The following DMD variants were observed in gnomAD, a reference collection of about 807,000 sequenced individuals.
DMD encodes mutant dystrophin.
In DMD, 63 loss-of-function variants were observed where a neutral mutation model predicts 330.1. The ratio of observed to expected loss-of-function variants is 0.19; its 90% CI spans 0.16 to 0.24. The LOEUF (loss-of-function observed/expected upper bound fraction) is 0.24. DMD is among the 10% of genes least tolerant of loss of function. The probability of loss-of-function intolerance (pLI) is 1.00; values close to 1 mark genes in which losing one functional copy is unlikely to be tolerated. For synonymous variants in DMD, 1,223 were observed against 959.8 expected (o/e 1.27, Z -5.07); for missense variants, 3,344 against 2,684.1 (o/e 1.25, Z -5.43).
intron 52 of DMD, among the ~76,000 whole-genome samples, chrX:31,712,756 G>T (rs1296376052): frequency 9.0e-6 from 1 of 110,949 alleles, no homozygotes; most frequent in African/African-American, 3.3e-5. Flanking sequence ...TCTGCCTTTG[G>T]TTCTCCCTTT....
chrX:32,115,069 T>G (rs1346556973), intron 44 of DMD, among the ~76,000 whole-genome samples: 2 of 112,137 alleles, frequency 1.8e-5, no homozygotes, highest in Admixed American at 1.9e-4. Flanking sequence ...CCTGGTTTTC[T>G]CTATAAATCA....
At chrX:32,593,090 C>T (rs1055684631) in intron 13 of DMD, among the ~76,000 whole-genome samples, 2 of 112,832 alleles carry the variant, frequency 1.8e-5, no homozygotes, top group Admixed American at 9.3e-5. Context: ...TAGTGCAAGC[C>T]AAGCACAGCC....
chrX:32,515,469 G>C (rs1261821600), intron 18 of DMD, among the ~76,000 whole-genome samples: 3 of 111,196 alleles, frequency 2.7e-5, no homozygotes, highest in African/African-American at 6.5e-5. Context: ...ACTTGATAGG[G>C]AGGGTTTCAA....
intron 60 of DMD, among the ~76,000 whole-genome samples, chrX:31,369,197 A>C (rs2059416800): frequency 8.9e-6 from 1 of 112,718 alleles, no homozygotes; most frequent in Admixed American, 9.4e-5. Flanking sequence ...GATTTAATCC[A>C]GAATCTGATA....
intron 30 of DMD, among the ~76,000 whole-genome samples, chrX:32,405,024 T>C (rs932321268): frequency 8.9e-6 from 1 of 111,834 alleles, no homozygotes; most frequent in East Asian, 2.8e-4. Flanking sequence ...CTCCCTCCCA[T>C]TGAAACGTTG....
rs1008786181 is a variant in DMD at position 32,646,505 on chromosome X, G to A, written c.961-1353C>T. Reference sequence around the variant, plus strand: ...CAAGCACGGGGCCCCCTAACAAACAGGGTTTTGTAAAGGAATCAAAAAGCA... The same window carrying A: ...CAAGCACGGGGCCCCCTAACAAACAAGGTTTTGTAAAGGAATCAAAAAGCA... On this transcript the variant is annotated intron_variant, in intron 9 of 78. Coordinates refer to ENST00000357033, the MANE Select transcript of DMD (RefSeq NM_004006.3). 6.3e-5 allele frequency among the ~76,000 whole-genome samples: 7 copies of A among 111,090 alleles called. 1 individual carries two copies. Among genetic ancestry groups the A allele is most frequent in the African/African-American group, 1.6e-4 (5 of 30,511 alleles).
chrX:32,760,147 G>A (rs774334350), intron 7 of DMD, among the ~76,000 whole-genome samples: 9 of 111,770 alleles, frequency 8.1e-5, no homozygotes, highest in East Asian at 5.6e-4. Flanking sequence ...CCACTGCTAT[G>A]TATGTGGAGA....
At chrX:32,044,629 AG>A (rs765920534) in intron 44 of DMD, among the ~76,000 whole-genome samples, 41 of 109,722 alleles carry the variant, frequency 3.7e-4, no homozygotes, top group Non-Finnish European at 5.1e-4. Flanking sequence ...TCACTGTGTT[AG>A]CCAGGATGGT....
intron 51 of DMD, among the ~76,000 whole-genome samples, chrX:31,758,099 T>G (rs187222065): frequency 9.0e-6 from 1 of 110,990 alleles, no homozygotes; most frequent in Non-Finnish European, 1.9e-5. Flanking sequence ...TGCTTCCCAG[T>G]CACCCAAACT....
intron 7 of DMD, among the ~76,000 whole-genome samples, chrX:32,736,141 T>C (rs1363457313): frequency 3.6e-5 from 4 of 112,332 alleles, no homozygotes; most frequent in African/African-American, 6.5e-5. Context: ...AAGACATTTA[T>C]GCAGCCAAAA....
At chrX:31,142,880 A>C (rs188385948) in intron 76 of DMD, among the ~76,000 whole-genome samples, 2 of 112,382 alleles carry the variant, frequency 1.8e-5, no homozygotes, top group African/African-American at 6.5e-5. Context: ...ATAGAGACTC[A>C]GTGATAAGTA....
chrX:31,222,849 G>T (rs904520003), intron 64 of DMD, among the ~76,000 whole-genome samples, 198 bp downstream of exon 64: 32 of 112,280 alleles, frequency 2.9e-4, no homozygotes, highest in African/African-American at 1.0e-3. Flanking sequence ...GAGGAATGGT[G>T]ACAGGAATGA....
intron 44 of DMD, among the ~76,000 whole-genome samples, chrX:32,009,516 T>C (rs1302394163): frequency 8.9e-6 from 1 of 112,253 alleles, no homozygotes; most frequent in Non-Finnish European, 1.9e-5. Context: ...TCAATGAAAA[T>C]TACTTCATTA....
chrX:31,586,891 C>A (rs1033652505), intron 55 of DMD, among the ~76,000 whole-genome samples: 43 of 111,994 alleles, frequency 3.8e-4, no homozygotes, highest in African/African-American at 1.4e-3. Context: ...GAACTAAACT[C>A]TTTTTGAAAC....
intron 60 of DMD, among the ~76,000 whole-genome samples, chrX:31,366,483 A>T (rs1324254861): frequency 1.9e-4 from 19 of 100,402 alleles, no homozygotes; most frequent in African/African-American, 6.8e-4. Context: ...AAAAAAAAAA[A>T]AAAAAAAAAA....
At chrX:32,823,481 A>G in intron 4 of DMD, 94 bp from the exon 5 acceptor site, 1 of 624,190 alleles carries the variant, frequency 1.6e-6, no homozygotes, top group Non-Finnish European at 2.7e-6. Flanking sequence ...AATTGCATTT[A>G]GCTATTTTCA....
intron 1 of DMD, among the ~76,000 whole-genome samples, chrX:33,321,109 T>G (rs2054008280): frequency 9.0e-6 from 1 of 111,360 alleles, no homozygotes; most frequent in Admixed American, 9.7e-5. Flanking sequence ...TCTTCTAAAC[T>G]CCTGTTAAAT....
intron 44 of DMD, among the ~76,000 whole-genome samples, chrX:32,033,671 AGGAAG>A (rs1178268184): frequency 1.5e-4 from 14 of 92,623 alleles, no homozygotes; most frequent in African/African-American, 5.1e-4. Context: ...AAAGAAAGAA[AGGAAG>A]GAAAGAAAGA....
At chrX:32,307,005 C>A (rs1226252455) in intron 42 of DMD, among the ~76,000 whole-genome samples, 1 of 111,580 alleles carries the variant, frequency 9.0e-6, no homozygotes, top group African/African-American at 3.2e-5. Context: ...AATGAGGGAG[C>A]AGCAGAATCA....
Sources: allele counts gnomAD v4.1 joint callset (sites outside exome capture counted in the v4.1 genomes callset), GRCh38; gene constraint gnomAD v4.1.1; transcripts MANE v1.5; gene names NCBI Gene and HGNC (gene_info 2026-07-23, HGNC 2026-07-21).